Variants in SAMD5 observed in about 807,000 individuals in gnomAD.
The protein encoded by SAMD5 is sterile alpha motif domain containing 5.
In SAMD5, 13 loss-of-function variants were observed where a neutral mutation model predicts 11.3. That is an observed-to-expected ratio of 1.15 (90% CI 0.75 to 1.83). The LOEUF (loss-of-function observed/expected upper bound fraction) is 1.83. Among genes scored for constraint, SAMD5 ranks in the 40% most tolerant of loss-of-function variants. SAMD5 has a pLI of 0.00. For missense variants in SAMD5, 255 were observed against 239.1 expected, an observed-to-expected ratio of 1.07 and a Z score of -0.44; for synonymous variants, 129 against 111.3, an observed-to-expected ratio of 1.16 and a Z score of -1.00.
At chr6:147,922,655 T>C in the SAMD5 span, among the ~76,000 whole-genome samples, 1 of 152,198 alleles carries the variant, frequency 6.6e-6, no homozygotes, top group African/African-American at 2.4e-5. Context: ...AAGCTAAAAA[T>C]CCAGACATTC....
the SAMD5 span, among the ~76,000 whole-genome samples, chr6:147,801,486 A>G: frequency 6.6e-6 from 1 of 152,194 alleles, no homozygotes; most frequent in Admixed American, 6.5e-5. Context: ...AGAAGGAGAA[A>G]GGCGAAAGAA....
chr6:147,596,847 ATGCCATG>A (rs1351649609), intron 1 of SAMD5, among the ~76,000 whole-genome samples: 4 of 152,206 alleles, frequency 2.6e-5, no homozygotes, highest in Non-Finnish European at 5.9e-5. Flanking sequence ...ATTTGGAAAA[ATGCCATG>A]TGGACCAGTT....
At chr6:147,579,541 C>G (rs1335866878) in intron 1 of SAMD5, among the ~76,000 whole-genome samples, 2 of 138,742 alleles carry the variant, frequency 1.4e-5, no homozygotes, top group African/African-American at 5.5e-5. Context: ...TCTCAGCTCA[C>G]TGCAACCTCT....
At chr6:147,782,809 C>T in the SAMD5 span, among the ~76,000 whole-genome samples, 1 of 152,190 alleles carries the variant, frequency 6.6e-6, no homozygotes, top group Non-Finnish European at 1.5e-5. Context: ...AAAATGGTCC[C>T]TTACTGATGA....
rs190544405 is a variant in SAMD5 at position 147,564,496 on chromosome 6, C to T, written c.*40C>T. ...ACCTCGTGGAGGACTGATGAGGTGC[C>T]TGAAGACTGGAAAAGGGCATATTTA... On this transcript the variant is annotated 3_prime_UTR_variant, in exon 2 of 2. Transcript: ENST00000367474. The T allele has an allele frequency of 1.7e-4, 139 of 817,186 alleles. No homozygotes were observed. Among genetic ancestry groups the T allele is most frequent in the Admixed American group, 3.1e-4 (18 of 58,580 alleles). 50.6% of individuals were successfully genotyped at this position (817,186 alleles called of 1,614,324 possible).
chr6:147,765,497 A>G, the SAMD5 span, among the ~76,000 whole-genome samples: 4,592 of 152,304 alleles, frequency 0.03, 190 homozygotes, highest in African/African-American at 0.093. Flanking sequence ...ATGTTAATCC[A>G]CAAGGACAAA....
the SAMD5 span, among the ~76,000 whole-genome samples, chr6:147,869,811 C>T: frequency 6.6e-6 from 1 of 152,078 alleles, no homozygotes; most frequent in Admixed American, 6.6e-5. Context: ...GATCTTCCCA[C>T]TTCAGACTCC....
chr6:147,897,943 T>TAA, the SAMD5 span, among the ~76,000 whole-genome samples: 401 of 89,532 alleles, frequency 4.5e-3, 17 homozygotes, highest in East Asian at 0.018. Flanking sequence ...AGATTTTTCT[T>TAA]AAAAAAAAAA....
intron 1 of SAMD5, among the ~76,000 whole-genome samples, chr6:147,627,714 G>C (rs372652326): frequency 6.6e-6 from 1 of 152,060 alleles, no homozygotes; most frequent in Non-Finnish European, 1.5e-5. Flanking sequence ...GATTTTTGCA[G>C]TGCTCTCTAG....
At position 147,721,171 on chromosome 6, in the gene SAMD5, G is replaced by A. The variant is rs1040337227; in HGVS notation, c.163-16146G>A. On this transcript the variant is annotated intron_variant, in intron 1 of 1. Coordinates refer to the SAMD5 transcript ENST00000566741. ...CGGCAATAAACATACGTGTGCATGT[G>A]TCTTTATAGCAGCATGATTTATAGT... Among the ~76,000 whole-genome samples the A allele has an allele frequency of 8.1e-5, 12 of 147,578 alleles. No individual in the cohort carries two copies. In the East Asian group the frequency reaches 2.0e-3, roughly 24 times the overall value.
At chr6:147,906,199 A>G in the SAMD5 span, among the ~76,000 whole-genome samples, 1 of 152,160 alleles carries the variant, frequency 6.6e-6, no homozygotes, top group Non-Finnish European at 1.5e-5. Context: ...ATTTTTGCTG[A>G]TACTTTTTTC....
the SAMD5 span, among the ~76,000 whole-genome samples, chr6:147,846,512 C>T: frequency 8.5e-4 from 129 of 152,192 alleles, 3 homozygotes; most frequent in East Asian, 0.023. Flanking sequence ...TGCAACTTAC[C>T]GTGAACCTAG....
the SAMD5 span, among the ~76,000 whole-genome samples, chr6:147,760,217 C>T: frequency 6.4e-4 from 97 of 152,074 alleles, no homozygotes; most frequent in Admixed American, 5.2e-3. Flanking sequence ...AAAATGGTGC[C>T]TCATTTAAAT....
chr6:147,713,110 A>G (rs1015395632), intron 1 of SAMD5, among the ~76,000 whole-genome samples: 1 of 152,196 alleles, frequency 6.6e-6, no homozygotes, highest in Non-Finnish European at 1.5e-5. Context: ...GTGTTTGATA[A>G]TCTCATCACT....
intron 1 of SAMD5, among the ~76,000 whole-genome samples, chr6:147,635,159 G>A (rs1184033576): frequency 6.6e-6 from 1 of 152,142 alleles, no homozygotes; most frequent in Non-Finnish European, 1.5e-5. Flanking sequence ...GGGTTTGACT[G>A]TAAAACTAGT....
chr6:147,941,922 G>A, the SAMD5 span, among the ~76,000 whole-genome samples: 1 of 152,108 alleles, frequency 6.6e-6, no homozygotes, highest in Non-Finnish European at 1.5e-5. Context: ...CACCCAGGTT[G>A]GAGTGCAGTG....
downstream of SAMD5, among the ~76,000 whole-genome samples, chr6:147,572,271 A>G (rs79045697): frequency 6.1e-3 from 927 of 152,214 alleles, 13 homozygotes; most frequent in African/African-American, 0.021. Context: ...TTTCTCCCCT[A>G]TACATGGGAA....
the SAMD5 span, among the ~76,000 whole-genome samples, chr6:147,758,795 G>A: frequency 6.6e-6 from 1 of 152,072 alleles, no homozygotes; most frequent in Non-Finnish European, 1.5e-5. Flanking sequence ...GCCTGCTTCG[G>A]TTCCTTCCCT....
At chr6:147,857,341 CAA>C in the SAMD5 span, among the ~76,000 whole-genome samples, 98 of 135,210 alleles carry the variant, frequency 7.2e-4, no homozygotes, top group Admixed American at 1.0e-3. Flanking sequence ...CTGTCTGTAC[CAA>C]AAAAAAAAAA....
Sources: gnomAD v4.1 joint callset for allele counts (sites outside exome capture counted in the v4.1 genomes callset) on GRCh38, gnomAD v4.1.1 for gene constraint, MANE v1.5 for transcripts, NCBI Gene and HGNC (gene_info 2026-07-23, HGNC 2026-07-21) for gene names.